The following SPIRE1 variants were observed in gnomAD, a reference collection of about 807,000 sequenced individuals.
SPIRE1 encodes protein spire homolog 1.
In SPIRE1, 40 loss-of-function variants were observed where a neutral mutation model predicts 94.1. The ratio of observed to expected loss-of-function variants is 0.43; its 90% confidence interval spans 0.33 to 0.55. The LOEUF (loss-of-function observed/expected upper bound fraction) is 0.55, where lower values mean the gene tolerates loss of function less well. Ranked by LOEUF, SPIRE1 falls within the 20% of genes least tolerant of loss-of-function variation. The probability of loss-of-function intolerance (pLI) is 0.06; values close to 1 mark genes in which losing one functional copy is unlikely to be tolerated. For synonymous variants in SPIRE1, 376 were observed against 371.7 expected (o/e 1.01, Z -0.13); for missense variants, 838 against 975.2 (o/e 0.86, Z 1.87).
chr18:12,609,064 T>A (rs2037065410), intron 2 of SPIRE1, among the ~76,000 whole-genome samples: 1 of 152,128 alleles, frequency 6.6e-6, no homozygotes, highest in African/African-American at 2.4e-5. Context: ...CCTGGATACC[T>A]CGCACGCACA....
At position 12,465,075 on chromosome 18, in the gene SPIRE1, G is replaced by T. The variant is rs1030785593; in HGVS notation, c.1405-117C>A. 4.6e-6 allele frequency: 4 copies of T among 861,520 alleles called. No individual in the cohort carries two copies. The African/African-American group carries it at 6.8e-5, about 15-fold the overall frequency. 53.4% of individuals were successfully genotyped at this position (861,520 alleles called of 1,614,324 possible). On this transcript the variant is annotated intron_variant, in intron 10 of 16. Coordinates refer to ENST00000409402, the MANE Select transcript of SPIRE1 (RefSeq NM_001128626.2). ...CATGAGGCACCAAAGTATGTCAAAG[G>T]TTCAAGGCAAGCAAAAGACAAACTA...
intron 8 of SPIRE1, among the ~76,000 whole-genome samples, chr18:12,492,407 G>A (rs1474127695): frequency 6.6e-6 from 1 of 151,968 alleles, no homozygotes; most frequent in Non-Finnish European, 1.5e-5. Context: ...CTTATAATAT[G>A]GCCTTCCTAT....
chr18:12,507,053 T>C (rs1275408183), intron 5 of SPIRE1, among the ~76,000 whole-genome samples: 1 of 152,216 alleles, frequency 6.6e-6, no homozygotes, highest in African/African-American at 2.4e-5. Flanking sequence ...AAAGCATATG[T>C]ACAATGGGCT....
intron 2 of SPIRE1, among the ~76,000 whole-genome samples, chr18:12,560,823 A>C (rs1276866528): frequency 3.3e-5 from 5 of 152,236 alleles, no homozygotes; most frequent in African/African-American, 1.2e-4. Flanking sequence ...ACTGCACTCT[A>C]GCCTGGGTGA....
chr18:12,610,738 A>G (rs1465808320), intron 2 of SPIRE1, among the ~76,000 whole-genome samples: 2 of 151,904 alleles, frequency 1.3e-5, no homozygotes, highest in African/African-American at 4.8e-5. Context: ...TCACTCTCCC[A>G]CTGTCCTTGG....
intron 2 of SPIRE1, among the ~76,000 whole-genome samples, chr18:12,554,012 T>C (rs920424954): frequency 2.2e-4 from 34 of 152,160 alleles, no homozygotes; most frequent in Admixed American, 2.0e-4. Context: ...ACATTAGAAC[T>C]GATACCAGCT....
intron 10 of SPIRE1, among the ~76,000 whole-genome samples, chr18:12,474,824 A>ACCC (rs924654006): frequency 1.4e-3 from 216 of 150,142 alleles, no homozygotes; most frequent in African/African-American, 4.9e-3. Flanking sequence ...ATCTCAAAAA[A>ACCC]CCCCCCCAAA....
chr18:12,527,924 G>T (rs2034571274), intron 4 of SPIRE1, among the ~76,000 whole-genome samples: 1 of 151,986 alleles, frequency 6.6e-6, no homozygotes, highest in African/African-American at 2.4e-5. Flanking sequence ...AAATTAGCCG[G>T]GCGTGGTGGC....
chr18:12,564,451 C>G (rs1228601296), intron 2 of SPIRE1, among the ~76,000 whole-genome samples: 2 of 152,030 alleles, frequency 1.3e-5, no homozygotes, highest in Admixed American at 6.5e-5. Context: ...TTTAAAACAC[C>G]ATGAACAAAG....
intron 10 of SPIRE1, among the ~76,000 whole-genome samples, chr18:12,472,653 G>A (rs576205226): frequency 4.7e-5 from 7 of 150,258 alleles, no homozygotes; most frequent in African/African-American, 1.7e-4. Flanking sequence ...ACAGGTGTGA[G>A]TCACTGTGGT....
intron 6 of SPIRE1, among the ~76,000 whole-genome samples, chr18:12,504,766 T>G (rs543218157): frequency 1.3e-5 from 2 of 152,184 alleles, no homozygotes; most frequent in East Asian, 3.9e-4. Flanking sequence ...TGTCAGCTAG[T>G]GAAACACGAG....
intron 8 of SPIRE1, among the ~76,000 whole-genome samples, chr18:12,488,709 G>C (rs1174890377): frequency 1.3e-5 from 2 of 152,092 alleles, no homozygotes; most frequent in African/African-American, 4.8e-5. Flanking sequence ...CAATAAAGGG[G>C]ATATGCATGT....
intron 1 of SPIRE1, among the ~76,000 whole-genome samples, chr18:12,637,459 G>A (rs563697650): frequency 1.0e-3 from 153 of 151,926 alleles, no homozygotes; most frequent in Non-Finnish European, 1.9e-3. Context: ...TTTGTAGTAC[G>A]TTTCTTGTTG....
intron 2 of SPIRE1, among the ~76,000 whole-genome samples, chr18:12,614,291 G>GAT (rs570166705): frequency 0.011 from 1,610 of 151,936 alleles, 9 homozygotes; most frequent in Middle Eastern, 0.031. Flanking sequence ...CTGGAAAAAA[G>GAT]ATATATATAT....
At chr18:12,644,362 G>C (rs1598578023) in intron 1 of SPIRE1, among the ~76,000 whole-genome samples, 1 of 152,174 alleles carries the variant, frequency 6.6e-6, no homozygotes, top group South Asian at 2.1e-4. Context: ...CAGATGAAAT[G>C]TGTTCCAAGA....
chr18:12,552,098 C>G (rs544584040), intron 2 of SPIRE1, among the ~76,000 whole-genome samples: 84 of 152,368 alleles, frequency 5.5e-4, no homozygotes, highest in African/African-American at 1.8e-3. Flanking sequence ...CCAGCGCTAG[C>G]CACAGAGGAA....
chr18:12,632,030 G>A (rs1345768752), intron 2 of SPIRE1, among the ~76,000 whole-genome samples: 2 of 137,822 alleles, frequency 1.5e-5, no homozygotes, highest in South Asian at 2.6e-4. Context: ...GGGTGACAGA[G>A]CAAGACTCTG....
rs547672392 is a variant in SPIRE1, at chr18:12,632,478, G to A, written c.372+2584C>T. Among the ~76,000 whole-genome samples, 10 of 152,058 alleles carry A rather than the reference G, an allele frequency of 6.6e-5. No homozygotes were observed. The South Asian group carries it at 1.7e-3, about 25-fold the overall frequency. Reference sequence around the variant, plus strand: ...TTCTAAGAAAAAGTAGTTCCCTCTGGCTCTACCGCCTCACCACTCCTGCTT... The same window carrying A: ...TTCTAAGAAAAAGTAGTTCCCTCTGACTCTACCGCCTCACCACTCCTGCTT... On this transcript the variant is annotated intron_variant, in intron 2 of 16. Coordinates refer to ENST00000409402, the MANE Select transcript of SPIRE1 (RefSeq NM_001128626.2).
rs2031108106 is a variant in SPIRE1, at chr18:12,449,392, C to G, written c.*246G>C. 2.0e-6 allele frequency: 1 copy of G among 509,854 alleles called. No individual in the cohort carries two copies. The allele number at this position is 509,854 out of a possible 1,614,324, so 31.6% of individuals were successfully genotyped here. ...CTACTGGCTTCCAAAGCCACACACA[C>G]ACAAAAGTAAGTTTCAAACTGTTGT... is the stretch of plus-strand genomic sequence containing the variant. On this transcript the variant is annotated 3_prime_UTR_variant, in exon 17 of 17. Coordinates refer to ENST00000409402, the MANE Select transcript of SPIRE1 (RefSeq NM_001128626.2).
Sources: gnomAD v4.1 joint callset for allele counts (sites outside exome capture counted in the v4.1 genomes callset) on GRCh38, gnomAD v4.1.1 for gene constraint, MANE v1.5 for transcripts, NCBI Gene and HGNC (gene_info 2026-07-23, HGNC 2026-07-21) for gene names.